The following HS1BP3 variants were observed in gnomAD, a reference collection of about 807,000 sequenced individuals.
HS1BP3 encodes HCLS1-binding protein 3.
Under a neutral mutation model 33.5 loss-of-function variants are expected in HS1BP3, and 32 were observed. The observed-to-expected ratio is 0.95, with a 90% confidence interval of 0.72 to 1.28. HS1BP3 has a LOEUF of 1.28. HS1BP3 is among the 50% of genes most tolerant of loss of function. The pLI is 0.00. For missense variants in HS1BP3, 486 were observed against 502.3 expected (o/e 0.97, Z 0.31); for synonymous variants, 187 against 209.2 (o/e 0.89, Z 0.92).
chr2:20,586,067 CAGGCTCCG>C (rs1693673486), intron 5 of HS1BP3, among the ~76,000 whole-genome samples: 1 of 152,236 alleles, frequency 6.6e-6, no homozygotes, highest in African/African-American at 2.4e-5. Context: ...GGCCCAGCTA[CAGGCTCCG>C]AGGTTCCAGT....
At chr2:20,640,007 AG>A (rs1277555843) in intron 3 of HS1BP3, 1 of 152,248 alleles carries the variant, frequency 6.6e-6, no homozygotes, top group African/African-American at 2.4e-5. Flanking sequence ...CGCATTCACC[AG>A]TTTTGCTTCT....
rs1694726854 is a variant in HS1BP3, at chr2:20,624,878, T to C, written c.638A>G (p.Lys213Arg). 2 of 1,613,614 alleles carry C rather than the reference T, an allele frequency of 1.2e-6. No individual in the cohort carries two copies. Among genetic ancestry groups the C allele is most frequent in the African/African-American group, 2.7e-5 (2 of 75,062 alleles). ...PLGIMRSKKP[K>R]KHPKVAVKAK... ...TTTCACGGCCACTTTGGGATGTTTCTTGGGCTTCTTGGAGCTGGAGAATCA... is the reference window on the plus strand; with the variant it reads ...TTTCACGGCCACTTTGGGATGTTTCCTGGGCTTCTTGGAGCTGGAGAATCA... Residue 213 changes from lysine (K) to arginine (R), a missense_variant, in exon 5 of 7, where the codon AAG (lysine) becomes AGG (arginine). Lys to Arg is a conservative substitution (Grantham distance 26). Coordinates refer to ENST00000304031, the MANE Select transcript of HS1BP3 (RefSeq NM_022460.4).
intron 5 of HS1BP3, among the ~76,000 whole-genome samples, chr2:20,572,154 G>C (rs113320210): frequency 2.1e-3 from 320 of 152,368 alleles, no homozygotes; most frequent in African/African-American, 6.3e-3. Flanking sequence ...GAAGGGGCAG[G>C]GCGGCCCAGG....
At chr2:20,601,545 C>A (rs974483088) in intron 2 of HS1BP3, among the ~76,000 whole-genome samples, 2 of 152,004 alleles carry the variant, frequency 1.3e-5, no homozygotes, top group African/African-American at 4.8e-5. Context: ...ATCATGGGGG[C>A]GGGTCTTTCC....
intron 5 of HS1BP3, among the ~76,000 whole-genome samples, chr2:20,562,234 T>C (rs899784286): frequency 7.2e-5 from 11 of 152,146 alleles, no homozygotes; most frequent in Non-Finnish European, 1.5e-5. Flanking sequence ...ACCCCAGTAC[T>C]TTGGGAGGCT....
At chr2:20,569,262 T>C (rs1246102025) in intron 5 of HS1BP3, among the ~76,000 whole-genome samples, 1 of 152,222 alleles carries the variant, frequency 6.6e-6, no homozygotes, top group Non-Finnish European at 1.5e-5. Flanking sequence ...TGTTTTTTCC[T>C]TCAAAATCGC....
At chr2:20,603,640 T>G (rs1694114654) in intron 2 of HS1BP3, among the ~76,000 whole-genome samples, 1 of 152,230 alleles carries the variant, frequency 6.6e-6, no homozygotes. Flanking sequence ...TTAGAAGTGA[T>G]GAAAATATAA....
intron 1 of HS1BP3, among the ~76,000 whole-genome samples, chr2:20,645,983 C>A (rs897600466): frequency 1.3e-5 from 2 of 152,198 alleles, no homozygotes; most frequent in Non-Finnish European, 1.5e-5. Context: ...GCACTGGAGG[C>A]AGGACCCTTG....
chr2:20,566,312 C>T (rs1274783214), intron 5 of HS1BP3, among the ~76,000 whole-genome samples: 1 of 152,256 alleles, frequency 6.6e-6, no homozygotes, highest in Non-Finnish European at 1.5e-5. Flanking sequence ...GGGCTGACTC[C>T]TTCCCAGCTG....
At chr2:20,646,374 G>A (rs142144035) in intron 1 of HS1BP3, among the ~76,000 whole-genome samples, 7 of 152,296 alleles carry the variant, frequency 4.6e-5, no homozygotes, top group Middle Eastern at 3.4e-3. Context: ...AGCTTAACCT[G>A]TGTCTGGGGC....
At chr2:20,558,638 AACCC>A (rs557196970), downstream of HS1BP3, among the ~76,000 whole-genome samples, 345 of 152,318 alleles carry the variant, frequency 2.3e-3, 1 homozygote, top group Non-Finnish European at 3.8e-3. Context: ...GGGGGAGGCA[AACCC>A]ACATGGACAG....
At chr2:20,588,509 G>A (rs1200440992), downstream of HS1BP3, among the ~76,000 whole-genome samples, 1 of 152,046 alleles carries the variant, frequency 6.6e-6, no homozygotes, top group Non-Finnish European at 1.5e-5. Context: ...TAGTAGAGAC[G>A]GGGTTTCACC....
At chr2:20,640,918 G>T (rs760552368) in intron 3 of HS1BP3, 55 bp downstream of exon 3, 1 of 1,553,840 alleles carries the variant, frequency 6.4e-7, no homozygotes. Flanking sequence ...CACGGCAGCG[G>T]GGCCTAGTTC....
At chr2:20,617,279 C>G (rs35264816), downstream of HS1BP3, among the ~76,000 whole-genome samples, 1 of 151,962 alleles carries the variant, frequency 6.6e-6, no homozygotes, top group South Asian at 2.1e-4. Flanking sequence ...ATGCAGGGCC[C>G]GGGGCTGAGT....
At position 20,599,646 on chromosome 2, in the gene HS1BP3, A is replaced by T. The variant is rs1418551660; in HGVS notation, c.179-1381T>A. ...CACACACACACACACACACACACAC[A>T]CACTCTGTTTTTTTTTTTTTAAAGA... On this transcript the variant is annotated intron_variant, in intron 2 of 3. Transcript: ENST00000415264. 1.8e-3 allele frequency among the ~76,000 whole-genome samples: 242 copies of T among 136,624 alleles called. 2 individuals are homozygous for T. The highest frequency in any genetic ancestry group is 7.3e-3 in the African/African-American group (237 of 32,546). The allele number at this position is 136,624 out of a possible 152,430, so 89.6% of individuals were successfully genotyped here.
rs1694735487 is a variant in HS1BP3 at position 20,625,034 on chromosome 2, G to A, written c.624-142C>T. The A allele has an allele frequency of 5.1e-6, 5 of 986,958 alleles. No individual in the cohort carries two copies. In the East Asian group the frequency reaches 9.8e-5, roughly 19 times the overall value. 61.1% of individuals were successfully genotyped at this position (986,958 alleles called of 1,614,324 possible). On this transcript the variant is annotated intron_variant, in intron 4 of 6. Coordinates refer to ENST00000304031, the MANE Select transcript of HS1BP3 (RefSeq NM_022460.4). ...AAAAGACCAGGCCAGAGGGACCAGG[G>A]AAGTCCTGGAGGGGGCCACCCAGAG...
intron 5 of HS1BP3, among the ~76,000 whole-genome samples, chr2:20,573,333 G>T (rs1693319906): frequency 6.6e-6 from 1 of 152,112 alleles, no homozygotes; most frequent in Non-Finnish European, 1.5e-5. Flanking sequence ...AACTGTGAGA[G>T]AATAAATTTC....
intron 5 of HS1BP3, among the ~76,000 whole-genome samples, chr2:20,567,416 T>A (rs1693156079): frequency 6.6e-6 from 1 of 152,162 alleles, no homozygotes; most frequent in African/African-American, 2.4e-5. Flanking sequence ...GGCTCTGTGC[T>A]TGCAGGGCCA....
intron 4 of HS1BP3, among the ~76,000 whole-genome samples, chr2:20,625,539 C>T (rs56240532): frequency 0.17 from 25,932 of 152,220 alleles, 2,486 homozygotes; most frequent in Non-Finnish European, 0.21. Flanking sequence ...TGGTAAGTGC[C>T]TTATTGTTTC....
Sources: allele counts gnomAD v4.1 joint callset (sites outside exome capture counted in the v4.1 genomes callset), GRCh38; gene constraint gnomAD v4.1.1; transcripts MANE v1.5; gene names NCBI Gene and HGNC (gene_info 2026-07-23, HGNC 2026-07-21).